The following PDE3A variants were observed in gnomAD, a reference collection of about 807,000 sequenced individuals.
PDE3A encodes cGMP-inhibited 3',5'-cyclic phosphodiesterase 3A.
PDE3A carries 43 observed loss-of-function variants against 98.3 expected under a neutral mutation model. The ratio of observed to expected loss-of-function variants is 0.44; its 90% confidence interval spans 0.34 to 0.56. The LOEUF (loss-of-function observed/expected upper bound fraction) is 0.56. Ranked by LOEUF, PDE3A falls within the 20% of genes least tolerant of loss-of-function variation. The pLI is 0.01. For synonymous variants in PDE3A, 663 were observed against 567.9 expected, an observed-to-expected ratio of 1.17 and a Z score of -2.38; for missense variants, 1,427 against 1,440.7, an observed-to-expected ratio of 0.99 and a Z score of 0.15.
intron 1 of PDE3A, among the ~76,000 whole-genome samples, chr12:20,455,249 G>T (rs905989711): frequency 6.6e-6 from 1 of 151,982 alleles, no homozygotes. Flanking sequence ...TTGTGGCCAC[G>T]TGTACGTCTT....
chr12:20,575,924 T>G (rs1333839581), intron 2 of PDE3A, among the ~76,000 whole-genome samples: 1 of 151,898 alleles, frequency 6.6e-6, no homozygotes, highest in Non-Finnish European at 1.5e-5. Context: ...AGAAATTTGG[T>G]CAATATTTGT....
intron 1 of PDE3A, among the ~76,000 whole-genome samples, chr12:20,452,667 T>G (rs1945086647): frequency 2.0e-5 from 3 of 152,228 alleles, no homozygotes; most frequent in Admixed American, 6.5e-5. Flanking sequence ...GGATCTTATG[T>G]GGTTAATGAT....
chr12:20,615,723 G>GTATT (rs150924685), intron 3 of PDE3A, among the ~76,000 whole-genome samples: 36 of 151,972 alleles, frequency 2.4e-4, no homozygotes, highest in East Asian at 3.9e-4. Flanking sequence ...GGTTGGTTAT[G>GTATT]TATTTATTTA....
intron 2 of PDE3A, among the ~76,000 whole-genome samples, chr12:20,563,027 G>A (rs1028059660): frequency 1.3e-5 from 2 of 152,156 alleles, no homozygotes; most frequent in Non-Finnish European, 1.5e-5. Flanking sequence ...AAGTCCTGGA[G>A]GCAACAAATT....
At chr12:20,521,132 AGTG>A (rs1946416953) in intron 1 of PDE3A, among the ~76,000 whole-genome samples, 1 of 52,210 alleles carries the variant, frequency 1.9e-5, no homozygotes, top group Non-Finnish European at 3.6e-5. Context: ...TCTCTCCTGG[AGTG>A]TTTTTTTTTT....
At chr12:20,436,010 A>G (rs866402945) in intron 1 of PDE3A, among the ~76,000 whole-genome samples, 1 of 152,080 alleles carries the variant, frequency 6.6e-6, no homozygotes, top group African/African-American at 2.4e-5. Flanking sequence ...CTCAAATTCA[A>G]TTACGTAGGT....
chr12:20,524,507 A>T (rs1946481891), intron 1 of PDE3A, among the ~76,000 whole-genome samples: 1 of 152,198 alleles, frequency 6.6e-6, no homozygotes, highest in South Asian at 2.1e-4. Flanking sequence ...TCAAGATGCT[A>T]CTTAGGCCAG....
At chr12:20,391,368 CAT>C (rs370725569) in intron 1 of PDE3A, among the ~76,000 whole-genome samples, 1,572 of 142,426 alleles carry the variant, frequency 0.011, 15 homozygotes, top group African/African-American at 0.013. Flanking sequence ...TATATATTCT[CAT>C]ATATATATAT....
intron 5 of PDE3A, among the ~76,000 whole-genome samples, chr12:20,628,048 A>G (rs1335267705): frequency 6.6e-6 from 1 of 152,248 alleles, no homozygotes; most frequent in African/African-American, 2.4e-5. Context: ...ATGGGAAGGG[A>G]TTTCAAGTTT....
intron 1 of PDE3A, among the ~76,000 whole-genome samples, chr12:20,402,003 G>A (rs1944141114): frequency 6.6e-6 from 1 of 152,156 alleles, no homozygotes; most frequent in Admixed American, 6.5e-5. Context: ...ATTATCCCCA[G>A]TTGATGAATG....
At chr12:20,508,095 C>G (rs1345887234) in intron 1 of PDE3A, among the ~76,000 whole-genome samples, 3 of 152,200 alleles carry the variant, frequency 2.0e-5, no homozygotes, top group African/African-American at 7.2e-5. Flanking sequence ...TCCAATGCAG[C>G]TATACTTATC....
At chr12:20,473,085 T>C (rs1945468839) in intron 1 of PDE3A, among the ~76,000 whole-genome samples, 1 of 152,216 alleles carries the variant, frequency 6.6e-6, no homozygotes, top group Non-Finnish European at 1.5e-5. Context: ...AGAAATGGTA[T>C]CTGATTTCCT....
intron 1 of PDE3A, among the ~76,000 whole-genome samples, chr12:20,373,820 G>C (rs1345658529): frequency 6.6e-6 from 1 of 152,118 alleles, no homozygotes; most frequent in Non-Finnish European, 1.5e-5. Flanking sequence ...ACTTTTAGGA[G>C]AGAAAGCAAA....
intron 1 of PDE3A, among the ~76,000 whole-genome samples, chr12:20,554,564 G>T (rs1942315431): frequency 1.3e-5 from 2 of 151,056 alleles, no homozygotes; most frequent in Non-Finnish European, 3.0e-5. Context: ...ACCCTCAAAA[G>T]TCTATTTTTC....
intron 1 of PDE3A, among the ~76,000 whole-genome samples, chr12:20,419,940 T>A (rs565165332): frequency 6.6e-6 from 1 of 152,160 alleles, no homozygotes; most frequent in Non-Finnish European, 1.5e-5. Context: ...GGTTTCACCA[T>A]GTTGGCCAGG....
intron 1 of PDE3A, among the ~76,000 whole-genome samples, chr12:20,487,129 T>C (rs914801093): frequency 3.5e-5 from 5 of 143,886 alleles, no homozygotes; most frequent in African/African-American, 5.0e-5. Flanking sequence ...CCAAGCATAA[T>C]ATAATATTAA....
intron 1 of PDE3A, 61 bp from the exon 2 acceptor site, chr12:20,556,599 G>A (rs1185865281): frequency 5.7e-6 from 6 of 1,049,876 alleles, no homozygotes; most frequent in African/African-American, 1.6e-5. Context: ...TTAAAATAAA[G>A]AAGAAAAATG....
At chr12:20,511,887 G>A (rs1212626597) in intron 1 of PDE3A, among the ~76,000 whole-genome samples, 1 of 152,054 alleles carries the variant, frequency 6.6e-6, no homozygotes, top group African/African-American at 2.4e-5. Context: ...ATAATATGAT[G>A]TAATTAGAAT....
intron 1 of PDE3A, among the ~76,000 whole-genome samples, chr12:20,419,537 G>C (rs1944476789): frequency 6.6e-6 from 1 of 151,624 alleles, no homozygotes; most frequent in South Asian, 2.1e-4. Context: ...TTCCAAGGAT[G>C]CTTTTCAAAA....
Sources: allele counts gnomAD v4.1 joint callset (sites outside exome capture counted in the v4.1 genomes callset), GRCh38; gene constraint gnomAD v4.1.1; transcripts MANE v1.5; gene names NCBI Gene and HGNC (gene_info 2026-07-23, HGNC 2026-07-21).